ADARB2: variants seen among roughly 807,000 people sequenced by gnomAD.
ADARB2 encodes adenosine deaminase RNA specific B2 (inactive).
ADARB2 carries 25 observed loss-of-function variants against 62.2 expected under a neutral mutation model. The observed-to-expected ratio is 0.40, with a 90% CI of 0.29 to 0.56. The LOEUF (loss-of-function observed/expected upper bound fraction) is 0.56, where lower values mean the gene tolerates loss of function less well. Ranked by LOEUF, ADARB2 falls within the 20% of genes least tolerant of loss-of-function variation. ADARB2 has a pLI of 0.43. For synonymous variants in ADARB2, 572 were observed against 500.8 expected, an observed-to-expected ratio of 1.14 and a Z score of -1.90; for missense variants, 1,071 against 1,077.4, an observed-to-expected ratio of 0.99 and a Z score of 0.08.
chr10:1,234,594 C>G (rs1228153424), intron 5 of ADARB2, among the ~76,000 whole-genome samples: 1 of 152,022 alleles, frequency 6.6e-6, no homozygotes, highest in African/African-American at 2.4e-5. Context: ...GTGCACACCA[C>G]CATGCGAGGC....
At chr10:1,608,441 C>T (rs78307573) in intron 1 of ADARB2, among the ~76,000 whole-genome samples, 35 of 145,292 alleles carry the variant, frequency 2.4e-4, no homozygotes, top group Non-Finnish European at 2.7e-4. Context: ...CATTGACAGA[C>T]GGGAGGAAGG....
intron 5 of ADARB2, among the ~76,000 whole-genome samples, chr10:1,240,018 C>T (rs1389821300): frequency 2.1e-4 from 2 of 9,632 alleles, no homozygotes; most frequent in Non-Finnish European, 3.5e-4. Flanking sequence ...CTCTGCCTCC[C>T]GGTGTTTACT....
chr10:1,731,999 G>C (rs899466147), intron 1 of ADARB2, among the ~76,000 whole-genome samples: 3 of 152,106 alleles, frequency 2.0e-5, no homozygotes, highest in African/African-American at 7.2e-5. Context: ...TGCAATATCT[G>C]TTTTGATATA....
intron 3 of ADARB2, among the ~76,000 whole-genome samples, chr10:1,302,316 C>A (rs1589185358): frequency 6.6e-6 from 1 of 152,232 alleles, no homozygotes; most frequent in East Asian, 1.9e-4. Flanking sequence ...CTGCGCTTTT[C>A]CGACGGGCTT....
intron 1 of ADARB2, among the ~76,000 whole-genome samples, chr10:1,483,909 G>T (rs183671219): frequency 1.1e-3 from 162 of 152,128 alleles, no homozygotes; most frequent in Non-Finnish European, 1.9e-3. Flanking sequence ...TTCTTATTCC[G>T]CCATGCGCCA....
intron 1 of ADARB2, among the ~76,000 whole-genome samples, chr10:1,563,655 GT>G (rs945040084): frequency 6.6e-6 from 1 of 151,518 alleles, no homozygotes; most frequent in African/African-American, 2.4e-5. Flanking sequence ...TATACTTTAA[GT>G]TTTAGGGTAC....
intron 6 of ADARB2, among the ~76,000 whole-genome samples, chr10:1,221,095 T>C (rs745464664): frequency 5.3e-5 from 8 of 151,992 alleles, no homozygotes; most frequent in Admixed American, 4.6e-4. Flanking sequence ...TGGGAAGGAG[T>C]TGAAGATGCC....
intron 1 of ADARB2, among the ~76,000 whole-genome samples, chr10:1,510,106 T>TTCTCTCTTTCTC (rs1831908048): frequency 1.6e-5 from 2 of 125,650 alleles, no homozygotes; most frequent in Non-Finnish European, 3.4e-5. Context: ...TTTTCTTTCT[T>TTCTCTCTTTCTC]TCTCTCTTTC....
intron 2 of ADARB2, among the ~76,000 whole-genome samples, chr10:1,373,880 G>A (rs111534602): frequency 0.082 from 11,246 of 136,688 alleles, 1,489 homozygotes; most frequent in East Asian, 0.4. Flanking sequence ...TAGTGAAACC[G>A]CGTGGGCTCC....
intron 3 of ADARB2, among the ~76,000 whole-genome samples, chr10:1,334,697 A>T (rs1050288339): frequency 3.3e-5 from 5 of 152,108 alleles, no homozygotes; most frequent in Non-Finnish European, 5.9e-5. Flanking sequence ...CAAGAAGTCA[A>T]CAATATTTGT....
intron 7 of ADARB2, among the ~76,000 whole-genome samples, chr10:1,208,931 G>A (rs970551576): frequency 2.0e-5 from 3 of 152,162 alleles, no homozygotes; most frequent in African/African-American, 7.2e-5. Context: ...ATGAGTGGTC[G>A]GTGCTGTCAG....
intron 1 of ADARB2, among the ~76,000 whole-genome samples, chr10:1,579,334 A>G (rs889595021): frequency 5.3e-5 from 8 of 152,230 alleles, no homozygotes; most frequent in African/African-American, 1.7e-4. Flanking sequence ...CCACATGGTT[A>G]TGTGTGCCGC....
Position 1,186,209 on chromosome 10 carries a change from G to A in ADARB2, c.1865-1170C>T, listed in dbSNP as rs145295168. ...CAGGCTATGGGACGCCAGAGGCAGC[G>A]TCCTGGGGACAAAGCCCACTTCTTC... On this transcript the variant is annotated intron_variant, in intron 8 of 9. Coordinates refer to ENST00000381312, the MANE Select transcript of ADARB2 (RefSeq NM_018702.4). Among the ~76,000 whole-genome samples, 371 of 152,356 alleles carry A rather than the reference G, an allele frequency of 2.4e-3. 3 individuals are homozygous for A. Among genetic ancestry groups the A allele is most frequent in the Non-Finnish European group, 4.5e-3 (304 of 68,026 alleles).
chr10:1,345,518 C>T (rs575183023), intron 3 of ADARB2, among the ~76,000 whole-genome samples: 9 of 152,330 alleles, frequency 5.9e-5, no homozygotes, highest in African/African-American at 2.2e-4. Flanking sequence ...CAGAGCTCAA[C>T]TGACCCCATG....
intron 3 of ADARB2, among the ~76,000 whole-genome samples, chr10:1,285,985 C>T (rs561797376): frequency 7.5e-5 from 11 of 146,758 alleles, no homozygotes; most frequent in African/African-American, 2.5e-4. Context: ...TAGATTTGCA[C>T]GTGGGTGGGG....
chr10:1,710,649 C>T (rs562583182), intron 1 of ADARB2, among the ~76,000 whole-genome samples: 1 of 152,344 alleles, frequency 6.6e-6, no homozygotes, highest in East Asian at 1.9e-4. Flanking sequence ...TATCTGGGTT[C>T]ACACCACACT....
intron 4 of ADARB2, among the ~76,000 whole-genome samples, chr10:1,265,829 C>G (rs1168731120): frequency 7.4e-6 from 1 of 134,374 alleles, no homozygotes; most frequent in African/African-American, 2.8e-5. Context: ...GGCCCAGGGT[C>G]CCCCGGAAGA....
At chr10:1,682,510 G>A (rs985056354) in intron 1 of ADARB2, among the ~76,000 whole-genome samples, 1 of 152,246 alleles carries the variant, frequency 6.6e-6, no homozygotes, top group Non-Finnish European at 1.5e-5. Context: ...CACGGGTATT[G>A]GGTAGTCTCT....
chr10:1,613,959 G>A (rs1340973213), intron 1 of ADARB2, among the ~76,000 whole-genome samples: 2 of 152,072 alleles, frequency 1.3e-5, no homozygotes, highest in East Asian at 3.9e-4. Flanking sequence ...TTATACCTTG[G>A]CAAAAAGCCA....
Sources: gnomAD v4.1 joint callset for allele counts (sites outside exome capture counted in the v4.1 genomes callset) on GRCh38, gnomAD v4.1.1 for gene constraint, MANE v1.5 for transcripts, NCBI Gene and HGNC (gene_info 2026-07-23, HGNC 2026-07-21) for gene names.